AXIN1: variants seen among roughly 807,000 people sequenced by gnomAD.
AXIN1 encodes axin-1.
Under a neutral mutation model 76.4 loss-of-function variants are expected in AXIN1, and 30 were observed. The ratio of observed to expected loss-of-function variants is 0.39; its 90% CI spans 0.29 to 0.53. AXIN1 has a LOEUF of 0.53. Ranked by LOEUF, AXIN1 falls within the 20% of genes least tolerant of loss-of-function variation. The pLI, the probability that AXIN1 is intolerant of heterozygous loss-of-function variation, is 0.66. For missense variants in AXIN1, 1,140 were observed against 1,198.8 expected, an observed-to-expected ratio of 0.95 and a Z score of 0.72; for synonymous variants, 545 against 501.4, an observed-to-expected ratio of 1.09 and a Z score of -1.16.
chr16:337,141 C>A (rs1164273597), intron 2 of AXIN1, among the ~76,000 whole-genome samples: 5 of 119,386 alleles, frequency 4.2e-5, no homozygotes, highest in African/African-American at 1.8e-4. Context: ...CAGAGCAAGA[C>A]CCCGTCTCAA....
chr16:291,527 C>T (rs1038017845), intron 8 of AXIN1: 3 of 593,540 alleles, frequency 5.1e-6, no homozygotes, highest in South Asian at 1.9e-5. Flanking sequence ...CCGGCACCAA[C>T]CCCCTGAGTT....
At chr16:349,394 AG>A (rs1174922623) in intron 1 of AXIN1, among the ~76,000 whole-genome samples, 1 of 152,168 alleles carries the variant, frequency 6.6e-6, no homozygotes, top group Non-Finnish European at 1.5e-5. Flanking sequence ...CCTCCACACT[AG>A]CTCACGGTCA....
rs774448016 is a variant in AXIN1 at position 346,581 on chromosome 16, T to G, written c.445A>C (p.Ile149Leu). ...GACACGATGCCATTGTTATCAAGAA[T>G]GTACTTTCGGTAGATGGCTCTCGCC... The part of the protein sequence containing the change: ...KLARAIYRKY[I>L]LDNNGIVSRQ... Residue 149 changes from isoleucine to leucine, a missense_variant, in exon 2 of 11, where the codon ATT becomes CTT. Coordinates refer to ENST00000262320, the MANE Select transcript of AXIN1 (RefSeq NM_003502.4). 1.2e-6 allele frequency: 2 copies of G among 1,611,636 alleles called. No individual in the cohort carries two copies. Among genetic ancestry groups the G allele is most frequent in the Non-Finnish European group, 1.7e-6 (2 of 1,178,258 alleles).
In AXIN1 at chr16:346,760, A is replaced by G. The variant is rs2141706665; in HGVS notation, c.266T>C (p.Leu89Pro). The G allele has an allele frequency of 6.2e-7, 1 of 1,606,422 alleles. No individual in the cohort carries two copies. Among genetic ancestry groups the G allele is most frequent in the Non-Finnish European group, 8.5e-7 (1 of 1,174,404 alleles). ...ATCTTGGTCATCCAGCAGGGAATGC[A>G]GTGACTCAGCCCACTTCAAGTATGG... ...TPPYLKWAES[L>P]HSLLDDQDGI... Residue 89 changes from leucine (L) to proline (P), a missense_variant, in exon 2 of 11, where the codon CTG (leucine) becomes CCG (proline). Leu to Pro is a moderately conservative substitution (Grantham distance 98, BLOSUM62 -3). This residue lies in a region of AXIN1 where 708 missense variants were observed against 776.9 expected (regional missense o/e 0.91). Coordinates refer to ENST00000262320, the MANE Select transcript of AXIN1 (RefSeq NM_003502.4).
intron 2 of AXIN1, among the ~76,000 whole-genome samples, chr16:320,813 CA>C (rs2053433185): frequency 2.0e-5 from 1 of 51,140 alleles, no homozygotes; most frequent in Admixed American, 1.7e-4. Context: ...GATCTCGGCT[CA>C]CTACAACCTC....
intron 8 of AXIN1, chr16:291,672 G>A (rs1054215566): frequency 2.8e-5 from 10 of 361,212 alleles, no homozygotes; most frequent in East Asian, 6.9e-5. Flanking sequence ...CCGATAGCGT[G>A]GACACTGGCT....
intron 2 of AXIN1, among the ~76,000 whole-genome samples, chr16:344,238 T>G (rs1452398776): frequency 2.6e-5 from 4 of 151,906 alleles, no homozygotes; most frequent in Non-Finnish European, 5.9e-5. Flanking sequence ...GAGACCATCC[T>G]GGCTAACATG....
At chr16:291,146 G>A in intron 9 of AXIN1, 44 bp downstream of exon 9, 1 of 1,539,366 alleles carries the variant, frequency 6.5e-7, no homozygotes, top group Middle Eastern at 1.7e-4. Flanking sequence ...GGGACGCCAG[G>A]GCTGGGGTGG....
Position 346,373 on chromosome 16 carries a change from G to A in AXIN1, c.653C>T (p.Pro218Leu), listed in dbSNP as rs2141702418. The A allele has an allele frequency of 1.2e-6, 2 of 1,614,136 alleles. No homozygotes were observed. Among genetic ancestry groups the A allele is most frequent in the Non-Finnish European group, 1.7e-6 (2 of 1,180,030 alleles). ...LEYTRTGSESPKVCSDQSSGS... is the reference protein window; with the variant it reads ...LEYTRTGSESLKVCSDQSSGS... ...AGAGCTCTGGTCACTACAGACTTTG[G>A]GGCTCTCCGAGCCTGTCCTCGTATA... Residue 218 changes from proline to leucine, a missense_variant, in exon 2 of 11, where the codon CCC (proline) becomes CTC (leucine). Around this residue, in one of 3 missense-constraint regions of AXIN1, gnomAD observed 708 missense variants for 776.9 expected, o/e 0.91. Transcript: ENST00000262320.
chr16:323,932 G>A (rs551254020), intron 2 of AXIN1, among the ~76,000 whole-genome samples: 12 of 152,278 alleles, frequency 7.9e-5, no homozygotes, highest in South Asian at 4.1e-4. Flanking sequence ...GATGGAATAC[G>A]GCACAGAATG....
chr16:293,175 G>C lies in AXIN1; in HGVS notation c.2186+313C>G. ...GCGAGCAGCCTCTGGCTGGGGACCG[G>C]CGTTCCCCACACACTGGGGCCCTGC... is the stretch of plus-strand genomic sequence containing the variant. On this transcript the variant is annotated intron_variant, in intron 8 of 10. Transcript: ENST00000262320. This position sits in a 1 kb window ranked among gnomAD's most constrained non-coding sequence, Gnocchi z 4.6. The C allele has an allele frequency of 2.2e-6, 1 of 458,662 alleles. No homozygotes were observed. Among genetic ancestry groups the C allele is most frequent in the East Asian group, 3.7e-5 (1 of 27,054 alleles). 28.4% of individuals were successfully genotyped at this position (458,662 alleles called of 1,614,324 possible).
At chr16:294,398 G>C (rs572752354) in intron 7 of AXIN1, among the ~76,000 whole-genome samples, 20 of 149,824 alleles carry the variant, frequency 1.3e-4, no homozygotes, top group Non-Finnish European at 2.5e-4. Context: ...GGGAGGCAGA[G>C]GTTGCGGTGA....
chr16:311,457 G>A (rs1322659695), intron 3 of AXIN1, among the ~76,000 whole-genome samples: 2 of 151,984 alleles, frequency 1.3e-5, no homozygotes, highest in African/African-American at 2.4e-5. Context: ...GAAAGCCCTC[G>A]CCCTCTCCCA....
intron 3 of AXIN1, among the ~76,000 whole-genome samples, chr16:311,294 T>C (rs1218538506): frequency 6.6e-6 from 1 of 151,486 alleles, no homozygotes; most frequent in Admixed American, 6.6e-5. Flanking sequence ...CCTCCCAAAC[T>C]GCTGGGATTA....
chr16:320,712 T>A (rs2053422250), intron 2 of AXIN1, among the ~76,000 whole-genome samples: 1 of 141,462 alleles, frequency 7.1e-6, no homozygotes, highest in Non-Finnish European at 1.5e-5. Flanking sequence ...CATACGTATA[T>A]GCGTGTGTGT....
At chr16:319,667 G>A (rs1194075508) in intron 2 of AXIN1, among the ~76,000 whole-genome samples, 1 of 152,228 alleles carries the variant, frequency 6.6e-6, no homozygotes, top group Non-Finnish European at 1.5e-5. Context: ...GCACCTCTCT[G>A]GGACTCCCGC....
At chr16:313,851 G>A (rs890522376) in intron 3 of AXIN1, among the ~76,000 whole-genome samples, 3 of 152,238 alleles carry the variant, frequency 2.0e-5, no homozygotes, top group Non-Finnish European at 2.9e-5. Context: ...GGGTTTCCCT[G>A]GACAATGAAA....
chr16:316,681 G>T (rs914753911), intron 2 of AXIN1, among the ~76,000 whole-genome samples: 4 of 151,846 alleles, frequency 2.6e-5, no homozygotes, highest in Non-Finnish European at 5.9e-5. Context: ...CCTCACAGGG[G>T]GTTTATCACA....
intron 4 of AXIN1, among the ~76,000 whole-genome samples, chr16:308,834 A>C (rs2053097132): frequency 6.6e-6 from 1 of 152,210 alleles, no homozygotes; most frequent in Non-Finnish European, 1.5e-5. Flanking sequence ...AACCTGAGTC[A>C]AGGGTTGGCT....
Sources: allele counts gnomAD v4.1 joint callset (sites outside exome capture counted in the v4.1 genomes callset), GRCh38; gene constraint gnomAD v4.1.1; regional missense constraint gnomAD v4.1.1; non-coding constraint Gnocchi (gnomAD v3.1); transcripts MANE v1.5; gene names NCBI Gene and HGNC (gene_info 2026-07-23, HGNC 2026-07-21).